Variants in GRIN2A observed in about 807,000 individuals in gnomAD.
The protein encoded by GRIN2A is glutamate receptor ionotropic, NMDA 2A.
GRIN2A carries 22 observed loss-of-function variants against 113.4 expected under a neutral mutation model. The observed-to-expected ratio is 0.19, with a 90% CI of 0.14 to 0.28. The LOEUF (loss-of-function observed/expected upper bound fraction) is 0.28, where lower values mean the gene tolerates loss of function less well. Ranked by LOEUF, GRIN2A falls within the 10% of genes least tolerant of loss-of-function variation. GRIN2A has a pLI of 1.00. For missense variants in GRIN2A, 1,502 were observed against 1,887.0 expected (o/e 0.80, Z 3.78); for synonymous variants, 827 against 738.4 (o/e 1.12, Z -1.94).
At chr16:10,071,182 G>A (rs1046676716) in intron 2 of GRIN2A, among the ~76,000 whole-genome samples, 1 of 152,208 alleles carries the variant, frequency 6.6e-6, no homozygotes, top group Non-Finnish European at 1.5e-5. Flanking sequence ...CTGTTGCATG[G>A]AAATTTGGGA....
At chr16:9,895,741 T>A (rs957098059) in intron 3 of GRIN2A, among the ~76,000 whole-genome samples, 1 of 152,232 alleles carries the variant, frequency 6.6e-6, no homozygotes, top group Non-Finnish European at 1.5e-5. Context: ...ACTCTGTACC[T>A]GCTGCCCTAA....
In GRIN2A at chr16:9,952,610, T is replaced by C. The variant is rs969065799; in HGVS notation, c.415-14059A>G. Among the ~76,000 whole-genome samples the C allele has an allele frequency of 7.2e-5, 11 of 152,276 alleles. No homozygotes were observed. In the South Asian group the frequency reaches 1.9e-3, roughly 26 times the overall value. On this transcript the variant is annotated intron_variant, in intron 2 of 12. Transcript: ENST00000330684. ...TCACCTTTACGTTCCATATAACTCA[T>C]ATGATTTACTTACAATGCTTATTAT...
At chr16:9,842,719 C>G (rs1158894206) in intron 5 of GRIN2A, among the ~76,000 whole-genome samples, 4 of 152,110 alleles carry the variant, frequency 2.6e-5, no homozygotes, top group Admixed American at 2.0e-4. Context: ...GGTGGATCCC[C>G]TGAGGTTGGG....
intron 2 of GRIN2A, among the ~76,000 whole-genome samples, chr16:9,945,652 C>T (rs565717440): frequency 1.3e-5 from 2 of 152,278 alleles, no homozygotes; most frequent in African/African-American, 4.8e-5. Context: ...TAACCCTGTT[C>T]TTCCCTCTGG....
chr16:10,178,522 T>G (rs1379613505), intron 2 of GRIN2A, among the ~76,000 whole-genome samples: 1 of 152,228 alleles, frequency 6.6e-6, no homozygotes, highest in East Asian at 1.9e-4. Flanking sequence ...TTGTCAGTGG[T>G]GGCAGAGCAT....
chr16:9,760,016 T>C lies in GRIN2A; in HGVS notation c.*3133A>G, dbSNP rs1409425601. The C allele has an allele frequency of 4.3e-6, 1 of 230,712 alleles. No individual in the cohort carries two copies. Among genetic ancestry groups the C allele is most frequent in the Non-Finnish European group, 8.6e-6 (1 of 116,528 alleles). 14.3% of individuals were successfully genotyped at this position (230,712 alleles called of 1,614,324 possible). On this transcript the variant is annotated 3_prime_UTR_variant, in exon 13 of 13. Transcript: ENST00000330684. ...TCAAGTGTACCTATCTGAGGACTAG[T>C]TGGGTCCTTCTCAAGTGGGGAAAAC...
In GRIN2A at chr16:9,753,800, C is replaced by G. The variant is rs912511230; in HGVS notation, c.*9349G>C. Reference sequence around the variant, plus strand: ...AATGAAGACCATTGCTTAGAGCAGACAGCTTGCTTTCAGCTCCACCATACA... The same window carrying G: ...AATGAAGACCATTGCTTAGAGCAGAGAGCTTGCTTTCAGCTCCACCATACA... On this transcript the variant is annotated 3_prime_UTR_variant, in exon 13 of 13. Transcript: ENST00000330684. The G allele has an allele frequency of 5.5e-6, 1 of 182,586 alleles. No individual in the cohort carries two copies. Among genetic ancestry groups the G allele is most frequent in the Non-Finnish European group, 1.2e-5 (1 of 85,716 alleles). 11.3% of individuals were successfully genotyped at this position (182,586 alleles called of 1,614,324 possible).
At chr16:10,019,219 A>G (rs2046670115) in intron 2 of GRIN2A, among the ~76,000 whole-genome samples, 1 of 152,214 alleles carries the variant, frequency 6.6e-6, no homozygotes, top group Non-Finnish European at 1.5e-5. Flanking sequence ...ATGTGTGGCG[A>G]GTATAAGGAT....
At chr16:9,824,353 G>A (rs193057724) in intron 9 of GRIN2A, among the ~76,000 whole-genome samples, 268 of 152,330 alleles carry the variant, frequency 1.8e-3, no homozygotes, top group African/African-American at 5.9e-3. Flanking sequence ...CATGGCAGCC[G>A]CCTGCTCGGG....
intron 4 of GRIN2A, among the ~76,000 whole-genome samples, chr16:9,870,620 CT>C (rs995136374): frequency 8.7e-5 from 13 of 149,170 alleles, no homozygotes; most frequent in East Asian, 2.0e-4. Context: ...CTTCAAGTAA[CT>C]TTTTTTCTTT....
intron 3 of GRIN2A, among the ~76,000 whole-genome samples, chr16:9,922,179 G>A (rs1185837659): frequency 6.6e-6 from 1 of 152,044 alleles, no homozygotes. Flanking sequence ...AAAGCACCCA[G>A]AAGCCTGCTT....
At chr16:10,115,015 C>G (rs945552242) in intron 2 of GRIN2A, among the ~76,000 whole-genome samples, 1 of 152,372 alleles carries the variant, frequency 6.6e-6, no homozygotes, top group Non-Finnish European at 1.5e-5. Context: ...TGGCCTCTTT[C>G]ACTTGTTTAA....
At chr16:9,903,163 G>T (rs977880249) in intron 3 of GRIN2A, among the ~76,000 whole-genome samples, 4 of 151,928 alleles carry the variant, frequency 2.6e-5, no homozygotes, top group Non-Finnish European at 4.4e-5. Flanking sequence ...TAGAGACGGG[G>T]TTTCACTGTG....
At chr16:10,121,731 A>G (rs557860069) in intron 2 of GRIN2A, among the ~76,000 whole-genome samples, 5 of 152,338 alleles carry the variant, frequency 3.3e-5, no homozygotes, top group Admixed American at 2.6e-4. Flanking sequence ...GGTTTTCTCT[A>G]AACTATGACT....
intron 11 of GRIN2A, among the ~76,000 whole-genome samples, chr16:9,792,403 T>C (rs998698933): frequency 1.3e-5 from 2 of 152,088 alleles, no homozygotes; most frequent in Admixed American, 6.5e-5. Flanking sequence ...AAAAATTTTT[T>C]TGTAGAGATG....
intron 2 of GRIN2A, among the ~76,000 whole-genome samples, chr16:9,992,168 T>C (rs1268462857): frequency 6.6e-6 from 1 of 152,178 alleles, no homozygotes; most frequent in Non-Finnish European, 1.5e-5. Context: ...CCATGGTATG[T>C]TTATATCATT....
chr16:10,149,854 A>G lies in GRIN2A; in HGVS notation c.414+30144T>C, dbSNP rs115682356. Among the ~76,000 whole-genome samples the G allele has an allele frequency of 5.1e-3, 783 of 152,378 alleles. 6 individuals carry two copies. The highest frequency in any genetic ancestry group is 0.018 in the African/African-American group (747 of 41,596). On this transcript the variant is annotated intron_variant, in intron 2 of 12. Transcript: ENST00000330684. ...CAGACCCCTCCAGTGGTTTTCCATC[A>G]CAGTTGAAATAAAACCCAAACTGCT...
intron 4 of GRIN2A, among the ~76,000 whole-genome samples, chr16:9,854,133 C>T (rs1315405419): frequency 6.6e-6 from 1 of 152,072 alleles, no homozygotes; most frequent in African/African-American, 2.4e-5. Flanking sequence ...AGTGAATAAA[C>T]ATACAGCCTG....
chr16:10,128,142 G>T (rs1403229966), intron 2 of GRIN2A, among the ~76,000 whole-genome samples: 4 of 152,166 alleles, frequency 2.6e-5, no homozygotes, highest in Non-Finnish European at 5.9e-5. Context: ...CACTGTCCAT[G>T]ATTCCGTAGG....
Sources: gnomAD v4.1 joint callset for allele counts (sites outside exome capture counted in the v4.1 genomes callset) on GRCh38, gnomAD v4.1.1 for gene constraint, MANE v1.5 for transcripts, NCBI Gene and HGNC (gene_info 2026-07-23, HGNC 2026-07-21) for gene names.